Variants in NTM observed in about 807,000 individuals in gnomAD.
NTM encodes IgLON family member 2.
In NTM, 13 loss-of-function variants were observed where a neutral mutation model predicts 42.1. The ratio of observed to expected loss-of-function variants is 0.31; its 90% CI spans 0.20 to 0.49. The LOEUF is 0.49. NTM is among the 20% of genes least tolerant of loss of function. The pLI, the probability that NTM is intolerant of heterozygous loss-of-function variation, is 0.99. For synonymous variants in NTM, 187 were observed against 179.2 expected (o/e 1.04, Z -0.35); for missense variants, 373 against 452.8 (o/e 0.82, Z 1.60).
rs749015215 is a variant in NTM at position 132,041,197 on chromosome 11, G to A, written c.168-105085G>A. Among the ~76,000 whole-genome samples, 575 of 130,412 alleles carry A rather than the reference G, an allele frequency of 4.4e-3. 5 individuals carry two copies. Among genetic ancestry groups the A allele is most frequent in the Non-Finnish European group, 2.9e-3 (181 of 62,110 alleles). 85.6% of individuals were successfully genotyped at this position (130,412 alleles called of 152,430 possible). A position where few individuals can be genotyped will look rare whatever the true frequency, so the allele number is the denominator to read the frequency against. ...TTGCTCTGCCTTTTTGTTTGTGTGT[G>A]GGTGTGTGTGTGTGAGAGAGAGAGA... On this transcript the variant is annotated intron_variant, in intron 2 of 8. Coordinates refer to ENST00000683400, the MANE Select transcript of NTM (RefSeq NM_001352005.2).
At chr11:132,128,162 G>T (rs963585087) in intron 2 of NTM, among the ~76,000 whole-genome samples, 3 of 152,116 alleles carry the variant, frequency 2.0e-5, no homozygotes, top group African/African-American at 7.2e-5. Flanking sequence ...ACATGGCAGT[G>T]GTATAGGATG....
chr11:132,018,407 T>C (rs1032456597), intron 2 of NTM, among the ~76,000 whole-genome samples: 3 of 152,198 alleles, frequency 2.0e-5, no homozygotes, highest in African/African-American at 7.2e-5. Context: ...ATCCTCTTGG[T>C]TGAGAAATTT....
chr11:131,589,172 TGTGTGTGTGTGTG>T (rs2059147627), intron 1 of NTM, among the ~76,000 whole-genome samples: 1 of 146,650 alleles, frequency 6.8e-6, no homozygotes, highest in Admixed American at 6.7e-5. Context: ...GAAAAATGTG[TGTGTGTGTGTGTG>T]TGTGTGTGTG....
chr11:132,133,977 T>C (rs1325757933), intron 2 of NTM, among the ~76,000 whole-genome samples: 1 of 152,210 alleles, frequency 6.6e-6, no homozygotes, highest in Non-Finnish European at 1.5e-5. Flanking sequence ...TTTAAACATC[T>C]GCCCCAGAGC....
At chr11:131,563,356 G>A (rs1243650599) in intron 1 of NTM, among the ~76,000 whole-genome samples, 1 of 152,100 alleles carries the variant, frequency 6.6e-6, no homozygotes, top group East Asian at 1.9e-4. Flanking sequence ...ATTTGTCAAG[G>A]ACGGCACTCT....
At chr11:131,831,067 T>C (rs1383189397) in intron 1 of NTM, among the ~76,000 whole-genome samples, 1 of 152,152 alleles carries the variant, frequency 6.6e-6, no homozygotes, top group Non-Finnish European at 1.5e-5. Context: ...AATCATTTGG[T>C]AGAGTCTTTA....
At chr11:132,044,244 T>G (rs1372775789) in intron 2 of NTM, among the ~76,000 whole-genome samples, 1 of 152,120 alleles carries the variant, frequency 6.6e-6, no homozygotes, top group African/African-American at 2.4e-5. Flanking sequence ...TTCTATAACT[T>G]GTGGCACTTC....
Position 132,247,633 on chromosome 11 carries a change from T to G in NTM, c.526+35486T>G, listed in dbSNP as rs548107818. ...GAAGGAAAATATCATCAAAAGGAAGTATGGCCAGGGTCTTCAAGCAGGAGG... is the reference window on the plus strand; with the variant it reads ...GAAGGAAAATATCATCAAAAGGAAGGATGGCCAGGGTCTTCAAGCAGGAGG... On this transcript the variant is annotated intron_variant, in intron 4 of 8. Transcript: ENST00000683400. Among the ~76,000 whole-genome samples the G allele has an allele frequency of 1.2e-4, 19 of 152,196 alleles. No homozygotes were observed. The East Asian group carries it at 3.7e-3, about 29-fold the overall frequency.
intron 1 of NTM, chr11:131,671,565 C>T (rs2070247737): frequency 8.1e-6 from 8 of 984,172 alleles, no homozygotes; most frequent in African/African-American, 1.8e-5. Flanking sequence ...TGGCTACCCT[C>T]ACCCTCCTCT....
rs3040142 is a variant in NTM, at chr11:131,592,647, AACACACACACACACACACAC to A, written c.82+221780_82+221799del. ...AACACAAATACACACACACACCCCA[AACACACACACACACACACAC>A]ACACACACACACACACACACCATAG... On this transcript the variant is annotated intron_variant, in intron 1 of 8. Coordinates refer to ENST00000683400, the MANE Select transcript of NTM (RefSeq NM_001352005.2). Among the ~76,000 whole-genome samples, 4 of 140,786 alleles carry A rather than the reference AACACACACACACACACACAC, an allele frequency of 2.8e-5. 1 individual carries two copies. The highest frequency in any genetic ancestry group is 1.0e-4 in the African/African-American group (4 of 38,176). 92.4% of individuals were successfully genotyped at this position (140,786 alleles called of 152,430 possible). A position where few individuals can be genotyped will look rare whatever the true frequency, so the allele number is the denominator to read the frequency against.
At position 131,763,789 on chromosome 11, in the gene NTM, G is replaced by A. The variant is rs1354428303; in HGVS notation, c.83-147775G>A. Among the ~76,000 whole-genome samples, 4 of 132,008 alleles carry A rather than the reference G, an allele frequency of 3.0e-5. No homozygotes were observed. The Admixed American group carries it at 3.5e-4, about 12-fold the overall frequency. The allele number at this position is 132,008 out of a possible 152,430, so 86.6% of individuals were successfully genotyped here. A position where few individuals can be genotyped will look rare whatever the true frequency, so the allele number is the denominator to read the frequency against. On this transcript the variant is annotated intron_variant, in intron 1 of 8. Coordinates refer to ENST00000683400, the MANE Select transcript of NTM (RefSeq NM_001352005.2). ...TCCATTCTGTACGCTGCTTTATATAGTGCATGTCCCTGTAGTTCCAGGATA... is the reference window on the plus strand; with the variant it reads ...TCCATTCTGTACGCTGCTTTATATAATGCATGTCCCTGTAGTTCCAGGATA...
At chr11:132,229,390 A>C (rs2086985188) in intron 4 of NTM, among the ~76,000 whole-genome samples, 1 of 152,196 alleles carries the variant, frequency 6.6e-6, no homozygotes, top group Non-Finnish European at 1.5e-5. Flanking sequence ...CTCATTACCT[A>C]TTCTGTTTCA....
At chr11:131,711,560 G>A (rs895618085) in intron 1 of NTM, among the ~76,000 whole-genome samples, 1 of 152,180 alleles carries the variant, frequency 6.6e-6, no homozygotes, top group Non-Finnish European at 1.5e-5. Flanking sequence ...AACCATTGTG[G>A]AAGTCAGTGT....
rs572358411 is a variant in NTM, at chr11:132,213,986, G to A, written c.526+1839G>A. Among the ~76,000 whole-genome samples the A allele has an allele frequency of 8.4e-4, 52 of 61,556 alleles. 14 individuals carry two copies. The highest frequency in any genetic ancestry group is 2.2e-3 in the African/African-American group (46 of 20,734). The allele number at this position is 61,556 out of a possible 152,430, so 40.4% of individuals were successfully genotyped here. On this transcript the variant is annotated intron_variant, in intron 4 of 8. Coordinates refer to ENST00000683400, the MANE Select transcript of NTM (RefSeq NM_001352005.2). The stretch of plus-strand genomic sequence containing the variant: ...CCTGACCTCGTGATCCGCCCGCCTC[G>A]GCCTCCCAAAGTGCTGGGATTACAG...
At chr11:132,038,372 G>A (rs561725248) in intron 2 of NTM, among the ~76,000 whole-genome samples, 4 of 152,222 alleles carry the variant, frequency 2.6e-5, no homozygotes, top group East Asian at 3.9e-4. Flanking sequence ...AGAAGTTCAC[G>A]GGTGTGATTG....
chr11:131,607,421 G>T (rs1225294483), intron 1 of NTM, among the ~76,000 whole-genome samples: 2 of 152,102 alleles, frequency 1.3e-5, no homozygotes, highest in Non-Finnish European at 2.9e-5. Context: ...TCACATCCGT[G>T]GCCAAAGTAG....
chr11:132,152,121 G>C (rs2072070688), intron 3 of NTM, among the ~76,000 whole-genome samples: 2 of 152,208 alleles, frequency 1.3e-5, no homozygotes, highest in African/African-American at 2.4e-5. Flanking sequence ...AATCTGAACT[G>C]AAGGTAATTT....
chr11:131,746,997 C>A (rs1315770824), intron 1 of NTM, among the ~76,000 whole-genome samples: 1 of 152,022 alleles, frequency 6.6e-6, no homozygotes, highest in South Asian at 2.1e-4. Context: ...CTAACATATA[C>A]CTTTGTGGTG....
rs560186276 is a variant in NTM at position 131,917,169 on chromosome 11, G to T, written c.167+5521G>T. ...CTTGAGAAGAGATATGCTCTGTCTTGTTAGCAGTGTCTGGCGGATAGAAGG... is the reference window on the plus strand; with the variant it reads ...CTTGAGAAGAGATATGCTCTGTCTTTTTAGCAGTGTCTGGCGGATAGAAGG... On this transcript the variant is annotated intron_variant, in intron 2 of 8. Coordinates refer to ENST00000683400, the MANE Select transcript of NTM (RefSeq NM_001352005.2). Among the ~76,000 whole-genome samples the T allele has an allele frequency of 3.9e-5, 6 of 152,368 alleles. No individual in the cohort carries two copies. The East Asian group carries it at 1.2e-3, about 29-fold the overall frequency.
Sources: gnomAD v4.1 joint callset for allele counts (sites outside exome capture counted in the v4.1 genomes callset) on GRCh38, gnomAD v4.1.1 for gene constraint, MANE v1.5 for transcripts, NCBI Gene and HGNC (gene_info 2026-07-23, HGNC 2026-07-21) for gene names.